SLC24A3: variants seen among roughly 807,000 people sequenced by gnomAD.
SLC24A3 encodes the protein sodium/potassium/calcium exchanger 3.
Under a neutral mutation model 75.8 loss-of-function variants are expected in SLC24A3, and 28 were observed. The ratio of observed to expected loss-of-function variants is 0.37; its 90% CI spans 0.27 to 0.51. The LOEUF (loss-of-function observed/expected upper bound fraction) is 0.51, where lower values mean the gene tolerates loss of function less well. Among genes scored for constraint, SLC24A3 ranks in the 20% least tolerant of loss-of-function variants. SLC24A3 has a pLI of 0.94. For synonymous variants in SLC24A3, 372 were observed against 334.1 expected, an observed-to-expected ratio of 1.11 and a Z score of -1.24; for missense variants, 663 against 847.8, an observed-to-expected ratio of 0.78 and a Z score of 2.71.
chr20:19,721,892 T>TG lies in SLC24A3; in HGVS notation c.*756dup, dbSNP rs1243772577. The TG allele has an allele frequency of 1.3e-5, 2 of 152,616 alleles. No homozygotes were observed. Among genetic ancestry groups the TG allele is most frequent in the African/African-American group, 4.8e-5 (2 of 41,422 alleles). 9.5% of individuals were successfully genotyped at this position (152,616 alleles called of 1,614,324 possible). A position where few individuals can be genotyped will look rare whatever the true frequency, so the allele number is the denominator to read the frequency against. On this transcript the variant is annotated 3_prime_UTR_variant, in exon 17 of 17. Transcript: ENST00000328041. ...TCGCTAAAGTCTTATGGGCGTCCCCTGGGGTTGGGGGGGCACAAGGTTTTG... is the reference window on the plus strand; with the variant it reads ...TCGCTAAAGTCTTATGGGCGTCCCCTGGGGGTTGGGGGGGCACAAGGTTTTG...
intron 2 of SLC24A3, among the ~76,000 whole-genome samples, chr20:19,429,020 T>C (rs1987059013): frequency 6.6e-6 from 1 of 152,242 alleles, no homozygotes; most frequent in South Asian, 2.1e-4. Context: ...CCAGTGTTTC[T>C]GCCCAGGAAT....
At chr20:19,682,535 A>G (rs1386580727) in intron 10 of SLC24A3, among the ~76,000 whole-genome samples, 2 of 152,222 alleles carry the variant, frequency 1.3e-5, no homozygotes, top group East Asian at 3.8e-4. Context: ...CGAGTGCTGC[A>G]GAGAACAGGA....
chr20:19,442,372 G>A (rs1437394254), intron 2 of SLC24A3, among the ~76,000 whole-genome samples: 1 of 152,084 alleles, frequency 6.6e-6, no homozygotes, highest in African/African-American at 2.4e-5. Flanking sequence ...ACCAGCATTT[G>A]GTGGTGTCAG....
At chr20:19,243,572 G>C (rs986132919) in intron 1 of SLC24A3, among the ~76,000 whole-genome samples, 1 of 152,174 alleles carries the variant, frequency 6.6e-6, no homozygotes, top group African/African-American at 2.4e-5. Flanking sequence ...AACATGGGTA[G>C]GTAATTCATG....
chr20:19,665,758 A>G, intron 7 of SLC24A3, 106 bp from the exon 8 acceptor site: 1 of 1,388,158 alleles, frequency 7.2e-7, no homozygotes, highest in Non-Finnish European at 9.6e-7. Context: ...ACACCATCCC[A>G]GGAACAAGGT....
intron 2 of SLC24A3, among the ~76,000 whole-genome samples, chr20:19,375,063 G>T (rs992796323): frequency 1.3e-5 from 2 of 152,098 alleles, no homozygotes; most frequent in Non-Finnish European, 2.9e-5. Flanking sequence ...TCATTGGCTG[G>T]TGTCTCTTCC....
rs1002286656 is a variant in SLC24A3 at position 19,654,190 on chromosome 20, G to A, written c.687+54G>A. The A allele has an allele frequency of 5.3e-5, 82 of 1,540,410 alleles. 2 individuals are homozygous for A. In the Middle Eastern group the frequency reaches 1.7e-3, roughly 32 times the overall value. ...ATCAGTGCTCTTTTAAGCACCAGGGGTGGTGTGAGGCTCCTCCACATGGAG... is the reference window on the plus strand; with the variant it reads ...ATCAGTGCTCTTTTAAGCACCAGGGATGGTGTGAGGCTCCTCCACATGGAG... On this transcript the variant is annotated intron_variant, in intron 7 of 16. Transcript: ENST00000328041.
intron 2 of SLC24A3, among the ~76,000 whole-genome samples, chr20:19,511,943 C>T (rs1181444915): frequency 1.3e-5 from 2 of 152,122 alleles, no homozygotes; most frequent in African/African-American, 4.8e-5. Context: ...GGTTCAAAAC[C>T]GTTAGACTGT....
intron 2 of SLC24A3, among the ~76,000 whole-genome samples, chr20:19,341,664 T>A (rs376983469): frequency 3.3e-5 from 5 of 152,290 alleles, no homozygotes; most frequent in African/African-American, 1.2e-4. Context: ...GAACGCTAAT[T>A]TGGCATTAAA....
At chr20:19,556,062 G>A (rs1251441539) in intron 3 of SLC24A3, among the ~76,000 whole-genome samples, 1 of 152,134 alleles carries the variant, frequency 6.6e-6, no homozygotes, top group Non-Finnish European at 1.5e-5. Flanking sequence ...CTCACATGGT[G>A]GAAGGGGCAA....
chr20:19,533,677 T>G (rs1371126754), intron 3 of SLC24A3, among the ~76,000 whole-genome samples: 2 of 152,170 alleles, frequency 1.3e-5, no homozygotes, highest in Admixed American at 6.5e-5. Flanking sequence ...GGCAAGAGCT[T>G]GGGCAGGAGA....
chr20:19,716,087 C>T (rs1336007723), intron 15 of SLC24A3, among the ~76,000 whole-genome samples: 1 of 152,148 alleles, frequency 6.6e-6, no homozygotes, highest in Admixed American at 6.5e-5. Flanking sequence ...GATTCTTGGG[C>T]CCTGCCCCAG....
intron 2 of SLC24A3, among the ~76,000 whole-genome samples, chr20:19,430,782 A>G (rs968477466): frequency 1.3e-5 from 2 of 150,000 alleles, no homozygotes; most frequent in African/African-American, 5.0e-5. Flanking sequence ...ATGCACACAC[A>G]CACACACAGG....
At chr20:19,427,208 A>G (rs934976078) in intron 2 of SLC24A3, among the ~76,000 whole-genome samples, 2 of 152,090 alleles carry the variant, frequency 1.3e-5, no homozygotes, top group Non-Finnish European at 2.9e-5. Flanking sequence ...GAAGCCTGGA[A>G]CACCAGGTGA....
At chr20:19,492,067 G>A (rs1988217203) in intron 2 of SLC24A3, among the ~76,000 whole-genome samples, 1 of 152,172 alleles carries the variant, frequency 6.6e-6, no homozygotes, top group African/African-American at 2.4e-5. Context: ...ATGAAAACCA[G>A]TGGTGTGGGC....
intron 2 of SLC24A3, among the ~76,000 whole-genome samples, chr20:19,513,019 G>A (rs1479934851): frequency 1.3e-5 from 2 of 152,196 alleles, no homozygotes; most frequent in African/African-American, 4.8e-5. Context: ...TTCCAGCTCT[G>A]AGACTAGGAG....
In SLC24A3 at chr20:19,434,244, C is replaced by G. The variant is rs1987156092; in HGVS notation, c.272-81244C>G. ...GCAGTAAAACCAAGGAACCGCTGAACTGTATTCTCCCATGGAATTTCCTAA... is the reference window on the plus strand; with the variant it reads ...GCAGTAAAACCAAGGAACCGCTGAAGTGTATTCTCCCATGGAATTTCCTAA... On this transcript the variant is annotated intron_variant, in intron 2 of 16. Coordinates refer to ENST00000328041, the MANE Select transcript of SLC24A3 (RefSeq NM_020689.4). Among the ~76,000 whole-genome samples the G allele has an allele frequency of 2.0e-5, 3 of 152,226 alleles. No individual in the cohort carries two copies. The South Asian group carries it at 6.2e-4, about 31-fold the overall frequency.
At chr20:19,466,607 C>A (rs1468084342) in intron 2 of SLC24A3, among the ~76,000 whole-genome samples, 1 of 152,150 alleles carries the variant, frequency 6.6e-6, no homozygotes, top group Non-Finnish European at 1.5e-5. Context: ...ATGGAAGTGT[C>A]CGATTTCCAT....
At chr20:19,474,540 A>G (rs578225676) in intron 2 of SLC24A3, among the ~76,000 whole-genome samples, 2 of 152,332 alleles carry the variant, frequency 1.3e-5, no homozygotes, top group East Asian at 3.9e-4. Flanking sequence ...AGTGCCATCC[A>G]TCATAGAGCT....
Sources: gnomAD v4.1 joint callset for allele counts (sites outside exome capture counted in the v4.1 genomes callset) on GRCh38, gnomAD v4.1.1 for gene constraint, MANE v1.5 for transcripts, NCBI Gene and HGNC (gene_info 2026-07-23, HGNC 2026-07-21) for gene names.